The following CDC42BPB variants were observed in gnomAD, a reference collection of about 807,000 sequenced individuals.
CDC42BPB encodes the protein CDC42 binding protein kinase beta, also known as serine/threonine-protein kinase MRCK beta.
Under a neutral mutation model 214.9 loss-of-function variants are expected in CDC42BPB, and 37 were observed. The ratio of observed to expected loss-of-function variants is 0.17; its 90% CI spans 0.13 to 0.23. The LOEUF (loss-of-function observed/expected upper bound fraction) is 0.23, where lower values mean the gene tolerates loss of function less well. Among genes scored for constraint, CDC42BPB ranks in the 10% least tolerant of loss-of-function variants. The pLI is 1.00. For missense variants in CDC42BPB, 1,694 were observed against 2,227.0 expected (o/e 0.76, Z 4.82); for synonymous variants, 931 against 884.0 (o/e 1.05, Z -0.94).
chr14:102,986,852 G>A (rs1894268178), intron 5 of CDC42BPB: 1 of 363,852 alleles, frequency 2.7e-6, no homozygotes, highest in Non-Finnish European at 3.8e-6. Context: ...CCCCTCCTGA[G>A]CATCTCCTTG....
intron 4 of CDC42BPB, among the ~76,000 whole-genome samples, chr14:103,000,784 G>A (rs1356570809): frequency 6.6e-6 from 1 of 152,222 alleles, no homozygotes; most frequent in Non-Finnish European, 1.5e-5. Flanking sequence ...CAGGCTGTGA[G>A]ACACAGGCCA....
intron 1 of CDC42BPB, among the ~76,000 whole-genome samples, chr14:103,051,577 C>A (rs1486952786): frequency 3.9e-5 from 6 of 152,200 alleles, no homozygotes; most frequent in African/African-American, 1.4e-4. Flanking sequence ...CATCTAAGGG[C>A]ACCTGGCTTG....
intron 1 of CDC42BPB, among the ~76,000 whole-genome samples, chr14:103,015,025 A>C (rs1403580656): frequency 6.6e-6 from 1 of 152,136 alleles, no homozygotes; most frequent in Admixed American, 6.5e-5. Context: ...GATAAAACAC[A>C]TTTTGTTAAT....
In CDC42BPB at chr14:103,003,917, G is replaced by A. The variant is rs1337037885; in HGVS notation, c.447+11C>T. The A allele has an allele frequency of 6.2e-7, 1 of 1,601,930 alleles. No individual in the cohort carries two copies. The highest frequency in any genetic ancestry group is 8.5e-7 in the Non-Finnish European group (1 of 1,170,576). ...GAATGCCCTGACCGAGTCTCTGGCT[G>A]TGCGACCTACCAGGTGGTTCTCGTC... On this transcript the variant is annotated intron_variant, in intron 4 of 36. Transcript: ENST00000361246.
chr14:102,998,745 T>C (rs1189342837), intron 5 of CDC42BPB, among the ~76,000 whole-genome samples: 6 of 152,162 alleles, frequency 3.9e-5, no homozygotes, highest in African/African-American at 1.4e-4. Context: ...CTATTTCCTT[T>C]GTGAGTGTCC....
intron 2 of CDC42BPB, among the ~76,000 whole-genome samples, chr14:103,009,415 T>C (rs564954559): frequency 9.2e-5 from 14 of 152,198 alleles, no homozygotes; most frequent in Admixed American, 2.0e-4. Context: ...CTAAAATCCA[T>C]CTTGTACAGA....
At position 102,985,279 on chromosome 14, in the gene CDC42BPB, T is replaced by A. The variant is rs561648644; in HGVS notation, c.690+1208A>T. Among the ~76,000 whole-genome samples, 16 of 144,352 alleles carry A rather than the reference T, an allele frequency of 1.1e-4. No individual in the cohort carries two copies. In the South Asian group the frequency reaches 1.4e-3, roughly 13 times the overall value. 94.7% of individuals were successfully genotyped at this position (144,352 alleles called of 152,430 possible). A position where few individuals can be genotyped will look rare whatever the true frequency, so the allele number is the denominator to read the frequency against. On this transcript the variant is annotated intron_variant, in intron 6 of 36. Transcript: ENST00000361246. ...AGGAGGGTAACCCATGTTCTGGTTA[T>A]ACCATGACGGGGTGGTATGGAGGTG... is the stretch of plus-strand genomic sequence containing the variant.
intron 11 of CDC42BPB, chr14:102,974,398 CCT>C (rs1893641968): frequency 2.0e-6 from 2 of 981,942 alleles, no homozygotes. Context: ...AGCGATCTCC[CCT>C]GAGCACTGGG....
At chr14:103,052,681 C>T (rs377400464) in intron 1 of CDC42BPB, among the ~76,000 whole-genome samples, 7 of 152,128 alleles carry the variant, frequency 4.6e-5, no homozygotes, top group East Asian at 1.9e-4. Context: ...AAGCACATCT[C>T]GAGAGAAGAT....
chr14:102,932,520 AG>A lies in CDC42BPB; in HGVS notation c.*1191del, dbSNP rs1470538654. The A allele has an allele frequency of 1.3e-5, 2 of 152,506 alleles. No individual in the cohort carries two copies. The highest frequency in any genetic ancestry group is 2.9e-5 in the Non-Finnish European group (2 of 68,052). 9.4% of individuals were successfully genotyped at this position (152,506 alleles called of 1,614,324 possible). ...ACCCCCCAGGTGCCCATCCAGCAGA[AG>A]GCCCAGGAGGGCAGTGGGGTGGCAG... On this transcript the variant is annotated 3_prime_UTR_variant, in exon 37 of 37. Transcript: ENST00000361246.
chr14:102,967,682 A>G (rs1350406185), intron 16 of CDC42BPB, among the ~76,000 whole-genome samples: 1 of 151,916 alleles, frequency 6.6e-6, no homozygotes. Flanking sequence ...GTATCTGTGT[A>G]TCTCAACACA....
chr14:102,952,366 C>T, intron 24 of CDC42BPB, 132 bp downstream of exon 24: 2 of 619,722 alleles, frequency 3.2e-6, no homozygotes. Context: ...ACCCTGTCCT[C>T]AAATCATGCC....
chr14:103,057,025 T>C lies in CDC42BPB; in HGVS notation c.149A>G (p.Lys50Arg). 1 of 1,498,040 alleles carries C rather than the reference T, an allele frequency of 6.7e-7. No homozygotes were observed. The highest frequency in any genetic ancestry group is 8.9e-7 in the Non-Finnish European group (1 of 1,127,136). The allele number at this position is 1,498,040 out of a possible 1,614,324, so 92.8% of individuals were successfully genotyped here. ...ECSHSALRRD[K>R]YVAEFLEWAK... Reference sequence around the variant, plus strand: ...CCACTCGAGGAACTCGGCCACGTACTTGTCGCGGCGCAGGGCCGAGTGGCT... The same window carrying C: ...CCACTCGAGGAACTCGGCCACGTACCTGTCGCGGCGCAGGGCCGAGTGGCT... Residue 50 changes from lysine to arginine, a missense_variant, in exon 1 of 37, where the codon AAG (lysine) becomes AGG (arginine). This residue lies in a region of CDC42BPB where 83 missense variants were observed against 79.9 expected (regional missense o/e 1.04). Transcript: ENST00000361246.
chr14:102,935,556 A>G (rs189470141), intron 36 of CDC42BPB, among the ~76,000 whole-genome samples: 2 of 152,258 alleles, frequency 1.3e-5, no homozygotes, highest in East Asian at 1.9e-4. Context: ...TTGGGAGGCC[A>G]AGGCGGGCAG....
At chr14:103,021,258 A>G (rs553099822) in intron 1 of CDC42BPB, among the ~76,000 whole-genome samples, 79 of 152,320 alleles carry the variant, frequency 5.2e-4, no homozygotes, top group African/African-American at 1.7e-3. Context: ...CAGGAGATCG[A>G]GACCATCCTG....
intron 9 of CDC42BPB, 150 bp from the exon 10 acceptor site, chr14:102,976,199 T>TA (rs1487961756): frequency 1.2e-5 from 17 of 1,443,350 alleles, no homozygotes; most frequent in African/African-American, 1.0e-4. Flanking sequence ...GAACCAAAGT[T>TA]AGACAAGTGA....
intron 16 of CDC42BPB, 45 bp downstream of exon 16, chr14:102,968,208 C>G: frequency 7.0e-7 from 1 of 1,429,850 alleles, no homozygotes; most frequent in African/African-American, 1.4e-5. Context: ...TTTTAAATTA[C>G]AACTTCCACA....
chr14:102,993,823 G>A (rs1266456061), intron 5 of CDC42BPB, among the ~76,000 whole-genome samples: 2 of 152,160 alleles, frequency 1.3e-5, no homozygotes, highest in Non-Finnish European at 2.9e-5. Flanking sequence ...CTCTATACCT[G>A]GCTGCCGGGA....
intron 1 of CDC42BPB, among the ~76,000 whole-genome samples, chr14:103,016,117 T>C (rs1351782263): frequency 2.6e-5 from 4 of 152,242 alleles, no homozygotes; most frequent in Admixed American, 2.6e-4. Context: ...ACTGGGTCTC[T>C]GAGCTCAAAG....
Sources: gnomAD v4.1 joint callset for allele counts (sites outside exome capture counted in the v4.1 genomes callset) on GRCh38, gnomAD v4.1.1 for gene constraint, gnomAD v4.1.1 regional missense constraint, MANE v1.5 for transcripts, NCBI Gene and HGNC (gene_info 2026-07-23, HGNC 2026-07-21) for gene names.